EDIL3: variants seen among roughly 807,000 people sequenced by gnomAD.
The protein encoded by EDIL3 is EGF-like repeat and discoidin I-like domain-containing protein 3.
In EDIL3, 37 loss-of-function variants were observed where a neutral mutation model predicts 67.4. The ratio of observed to expected loss-of-function variants is 0.55; its 90% confidence interval spans 0.42 to 0.72. The LOEUF (loss-of-function observed/expected upper bound fraction) is 0.72, where lower values mean the gene tolerates loss of function less well. Among genes scored for constraint, EDIL3 ranks in the 30% least tolerant of loss-of-function variants. EDIL3 has a pLI of 0.00. For synonymous variants in EDIL3, 195 were observed against 196.3 expected (o/e 0.99, Z 0.05); for missense variants, 527 against 586.3 (o/e 0.90, Z 1.04).
chr5:84,349,062 T>C (rs1747299517), intron 1 of EDIL3, among the ~76,000 whole-genome samples: 1 of 152,188 alleles, frequency 6.6e-6, no homozygotes, highest in Admixed American at 6.5e-5. Flanking sequence ...AGCCCCCTTT[T>C]CTCTTCTCTT....
rs180950093 is a variant in EDIL3, at chr5:84,206,917, T to A, written c.226+22938A>T. On this transcript the variant is annotated intron_variant, in intron 3 of 10. Coordinates refer to ENST00000296591, the MANE Select transcript of EDIL3 (RefSeq NM_005711.5). ...TATCTCAAATAATAAGAGCTATCTA[T>A]GACAAACCCACAGTCAATATCATAC... Among the ~76,000 whole-genome samples, 739 of 152,326 alleles carry A rather than the reference T, an allele frequency of 4.9e-3. 11 individuals carry two copies. The highest frequency in any genetic ancestry group is 0.017 in the African/African-American group (707 of 41,570).
At chr5:84,359,124 T>A (rs1161980899) in intron 1 of EDIL3, among the ~76,000 whole-genome samples, 1 of 152,208 alleles carries the variant, frequency 6.6e-6, no homozygotes, top group Non-Finnish European at 1.5e-5. Flanking sequence ...CATTTTATAG[T>A]CTGTGTTTTC....
At chr5:84,119,383 A>T (rs188741567) in intron 5 of EDIL3, among the ~76,000 whole-genome samples, 211 of 152,178 alleles carry the variant, frequency 1.4e-3, no homozygotes, top group African/African-American at 4.7e-3. Flanking sequence ...GCCACTTGGC[A>T]TCTCCTTAAT....
chr5:84,340,079 C>T (rs544216407), intron 1 of EDIL3, among the ~76,000 whole-genome samples: 5 of 151,844 alleles, frequency 3.3e-5, no homozygotes, highest in Admixed American at 1.3e-4. Context: ...TTTTTGTTGT[C>T]GTTTTCTTTT....
chr5:84,153,876 T>C (rs1748443665), intron 4 of EDIL3, among the ~76,000 whole-genome samples: 1 of 152,132 alleles, frequency 6.6e-6, no homozygotes, highest in African/African-American at 2.4e-5. Flanking sequence ...TCACAAAACC[T>C]CCATGGCATA....
At chr5:84,234,292 ACC>A (rs1470863409) in intron 2 of EDIL3, among the ~76,000 whole-genome samples, 1 of 152,064 alleles carries the variant, frequency 6.6e-6, no homozygotes, top group African/African-American at 2.4e-5. Context: ...AGGACATTCC[ACC>A]AGTGTACATG....
chr5:84,096,277 G>T (rs1747261487), intron 6 of EDIL3, among the ~76,000 whole-genome samples: 1 of 152,176 alleles, frequency 6.6e-6, no homozygotes, highest in African/African-American at 2.4e-5. Context: ...GTCTGGAAAA[G>T]CCACAGATGC....
chr5:84,137,441 GTCTTAGTA>G, intron 4 of EDIL3, 87 bp from the exon 5 acceptor site: 1 of 1,173,924 alleles, frequency 8.5e-7, no homozygotes. Context: ...AAATACAAAT[GTCTTAGTA>G]ATGCTATTCC....
chr5:84,058,549 A>G (rs1746488844), intron 9 of EDIL3, among the ~76,000 whole-genome samples: 1 of 152,154 alleles, frequency 6.6e-6, no homozygotes, highest in Non-Finnish European at 1.5e-5. Flanking sequence ...TCATTTTTTC[A>G]TAGTTGAAAT....
At chr5:84,008,106 T>A (rs1162260491) in intron 9 of EDIL3, among the ~76,000 whole-genome samples, 2 of 151,974 alleles carry the variant, frequency 1.3e-5, no homozygotes, top group Admixed American at 1.3e-4. Flanking sequence ...AGACAGAGAA[T>A]AGAATGAGGG....
intron 5 of EDIL3, among the ~76,000 whole-genome samples, chr5:84,128,288 T>C (rs1320209158): frequency 1.3e-5 from 2 of 152,106 alleles, no homozygotes; most frequent in Non-Finnish European, 2.9e-5. Flanking sequence ...ACCATCTATA[T>C]TCTTTCTTCT....
At chr5:84,134,961 C>G (rs764341460) in intron 5 of EDIL3, among the ~76,000 whole-genome samples, 2 of 152,124 alleles carry the variant, frequency 1.3e-5, no homozygotes, top group Non-Finnish European at 2.9e-5. Flanking sequence ...CAAAGGTTTT[C>G]ATTAAACACA....
intron 9 of EDIL3, among the ~76,000 whole-genome samples, chr5:83,997,201 G>A (rs561753690): frequency 2.2e-4 from 34 of 152,240 alleles, no homozygotes; most frequent in African/African-American, 2.9e-4. Flanking sequence ...TAAGCAGTTG[G>A]ACTTTCTACA....
chr5:84,321,541 T>C (rs1428892946), intron 1 of EDIL3, among the ~76,000 whole-genome samples: 2 of 152,150 alleles, frequency 1.3e-5, no homozygotes, highest in African/African-American at 2.4e-5. Flanking sequence ...GCATCGATGG[T>C]AAATTTCAGC....
At chr5:83,985,817 T>C (rs1394104779) in intron 9 of EDIL3, among the ~76,000 whole-genome samples, 1 of 151,912 alleles carries the variant, frequency 6.6e-6, no homozygotes, top group Non-Finnish European at 1.5e-5. Flanking sequence ...TATTTTTAAA[T>C]TCACTATTTT....
At chr5:84,352,203 A>G (rs1747375041) in intron 1 of EDIL3, among the ~76,000 whole-genome samples, 1 of 152,152 alleles carries the variant, frequency 6.6e-6, no homozygotes, top group Non-Finnish European at 1.5e-5. Flanking sequence ...AAATTAGTAC[A>G]ACCTTTATGG....
chr5:84,341,805 A>G (rs1439967416), intron 1 of EDIL3, among the ~76,000 whole-genome samples: 1 of 152,044 alleles, frequency 6.6e-6, no homozygotes, highest in Non-Finnish European at 1.5e-5. Flanking sequence ...CAAAAACCCA[A>G]CTATCTAAAT....
intron 1 of EDIL3, among the ~76,000 whole-genome samples, chr5:84,273,668 T>C (rs1388634881): frequency 6.6e-6 from 1 of 152,158 alleles, no homozygotes; most frequent in Non-Finnish European, 1.5e-5. Flanking sequence ...ACATCTTTTG[T>C]TTTAGAGTCT....
At chr5:84,127,320 T>C (rs2112304734) in intron 5 of EDIL3, among the ~76,000 whole-genome samples, 1 of 152,264 alleles carries the variant, frequency 6.6e-6, no homozygotes, top group Non-Finnish European at 1.5e-5. Flanking sequence ...TATTTTTAAG[T>C]TGGATACTTT....
Sources: gnomAD v4.1 joint callset for allele counts (sites outside exome capture counted in the v4.1 genomes callset) on GRCh38, gnomAD v4.1.1 for gene constraint, MANE v1.5 for transcripts, NCBI Gene and HGNC (gene_info 2026-07-23, HGNC 2026-07-21) for gene names.